BRINP3: variants seen among roughly 807,000 people sequenced by gnomAD.
BRINP3 encodes BMP/retinoic acid inducible neural specific 3.
A neutral mutation model predicts 71.0 loss-of-function variants in BRINP3; 19 were observed. That is an observed-to-expected ratio of 0.27 (90% CI 0.19 to 0.39). The LOEUF (loss-of-function observed/expected upper bound fraction) is 0.39. Among genes scored for constraint, BRINP3 ranks in the 10% least tolerant of loss-of-function variants. The pLI, the probability that BRINP3 is intolerant of heterozygous loss-of-function variation, is 1.00. For missense variants in BRINP3, 959 were observed against 940.8 expected, an observed-to-expected ratio of 1.02 and a Z score of -0.25; for synonymous variants, 380 against 337.7, an observed-to-expected ratio of 1.13 and a Z score of -1.37.
Position 190,454,861 on chromosome 1 carries a change from T to C in BRINP3, c.30A>G (p.Glu10=), listed in dbSNP as rs780914361. 1.2e-6 allele frequency: 2 copies of C among 1,614,148 alleles called. No homozygotes were observed. The highest frequency in any genetic ancestry group is 3.3e-5 in the Admixed American group (2 of 60,016). The change falls in exon 2 of 8, where the codon GAA becomes GAG. Residue 10 remains glutamate (E), a synonymous_variant. Coordinates refer to ENST00000367462, the MANE Select transcript of BRINP3 (RefSeq NM_199051.3). MIWRSRAGA[E]LFSLMALWEW... Reference sequence around the variant, plus strand: ...CCCATAGAGCCATCAGAGAGAACAATTCAGCACCAGCTCTGCTTCGCCATA... The same window carrying C: ...CCCATAGAGCCATCAGAGAGAACAACTCAGCACCAGCTCTGCTTCGCCATA...
intron 7 of BRINP3, among the ~76,000 whole-genome samples, chr1:190,126,431 T>C (rs1654093149): frequency 1.3e-5 from 2 of 151,950 alleles, no homozygotes; most frequent in African/African-American, 2.4e-5. Context: ...TCCTCTGTGC[T>C]GTTCTGGATA....
intron 6 of BRINP3, among the ~76,000 whole-genome samples, chr1:190,206,112 A>G (rs1655476352): frequency 6.6e-6 from 1 of 152,048 alleles, no homozygotes; most frequent in South Asian, 2.1e-4. Flanking sequence ...TTGCCAGTAC[A>G]CCGTTGCCAA....
intron 4 of BRINP3, among the ~76,000 whole-genome samples, chr1:190,254,161 T>C (rs1364559654): frequency 6.6e-6 from 1 of 152,206 alleles, no homozygotes; most frequent in African/African-American, 2.4e-5. Context: ...GCTGTTTTGG[T>C]TACTGTAGAC....
intron 2 of BRINP3, among the ~76,000 whole-genome samples, chr1:190,336,839 C>CTTCT (rs1667317603): frequency 7.1e-6 from 1 of 140,256 alleles, no homozygotes; most frequent in South Asian, 2.4e-4. Flanking sequence ...TCCCTCCCTC[C>CTTCT]TTCCTTCCTT....
intron 1 of BRINP3, among the ~76,000 whole-genome samples, chr1:190,470,519 G>C (rs1459461789): frequency 1.3e-5 from 2 of 150,888 alleles, no homozygotes; most frequent in Non-Finnish European, 3.0e-5. Context: ...GTTAATTAGG[G>C]TTTAGGCATT....
intron 7 of BRINP3, among the ~76,000 whole-genome samples, chr1:190,131,421 T>A (rs899918438): frequency 2.0e-5 from 3 of 152,028 alleles, no homozygotes; most frequent in African/African-American, 7.2e-5. Context: ...CCTAACATGG[T>A]ACATAATATC....
intron 2 of BRINP3, among the ~76,000 whole-genome samples, chr1:190,315,655 T>C (rs2103036290): frequency 6.6e-6 from 1 of 152,258 alleles, no homozygotes; most frequent in East Asian, 1.9e-4. Context: ...AGTTCATTCA[T>C]TGATAGATGT....
chr1:190,282,111 G>C (rs1350891388), intron 2 of BRINP3, among the ~76,000 whole-genome samples: 1 of 151,584 alleles, frequency 6.6e-6, no homozygotes, highest in African/African-American at 2.4e-5. Context: ...AGGTATATTG[G>C]AAAAAAAGAA....
chr1:190,242,531 T>C (rs1659204833), intron 4 of BRINP3, among the ~76,000 whole-genome samples: 1 of 152,128 alleles, frequency 6.6e-6, no homozygotes, highest in Admixed American at 6.6e-5. Flanking sequence ...ATACCACTGT[T>C]GAATTATGCA....
intron 2 of BRINP3, among the ~76,000 whole-genome samples, chr1:190,436,535 CTCTTA>C (rs1384418278): frequency 6.6e-6 from 1 of 151,766 alleles, no homozygotes; most frequent in African/African-American, 2.4e-5. Context: ...AAATTTGCAT[CTCTTA>C]TAATTTTTGA....
intron 6 of BRINP3, among the ~76,000 whole-genome samples, chr1:190,213,150 C>T (rs1656128572): frequency 6.6e-6 from 1 of 151,990 alleles, no homozygotes; most frequent in East Asian, 1.9e-4. Context: ...ATACTGTATA[C>T]CCAACACACT....
At chr1:190,393,776 G>A (rs900631669) in intron 2 of BRINP3, among the ~76,000 whole-genome samples, 2 of 151,472 alleles carry the variant, frequency 1.3e-5, no homozygotes, top group Non-Finnish European at 3.0e-5. Flanking sequence ...TCTCAAAATG[G>A]TTGCTAAAAT....
chr1:190,200,093 C>T (rs558790748), intron 6 of BRINP3, among the ~76,000 whole-genome samples: 1 of 152,172 alleles, frequency 6.6e-6, no homozygotes, highest in East Asian at 1.9e-4. Flanking sequence ...CATCGATACA[C>T]CAAGCTTTGT....
intron 1 of BRINP3, among the ~76,000 whole-genome samples, chr1:190,471,762 C>T (rs1426160556): frequency 6.6e-6 from 1 of 151,288 alleles, no homozygotes; most frequent in Non-Finnish European, 1.5e-5. Context: ...AATCAGATGT[C>T]CTTTCTATTA....
chr1:190,230,647 G>T (rs1657884088), intron 5 of BRINP3, among the ~76,000 whole-genome samples: 4 of 151,780 alleles, frequency 2.6e-5, no homozygotes, highest in Non-Finnish European at 3.0e-5. Context: ...TATAAAAAAA[G>T]TATATATGTA....
intron 2 of BRINP3, among the ~76,000 whole-genome samples, chr1:190,406,986 G>C (rs1230362290): frequency 1.3e-5 from 2 of 152,064 alleles, no homozygotes; most frequent in Non-Finnish European, 2.9e-5. Context: ...ATATTAAGTG[G>C]ATGTATGTCA....
chr1:190,254,829 G>C (rs1039006438), intron 4 of BRINP3, among the ~76,000 whole-genome samples: 1 of 152,168 alleles, frequency 6.6e-6, no homozygotes, highest in Non-Finnish European at 1.5e-5. Context: ...AGCAGTGAGA[G>C]AGGGCATCTC....
chr1:190,157,213 A>G (rs1027589719), intron 7 of BRINP3, among the ~76,000 whole-genome samples: 31 of 152,136 alleles, frequency 2.0e-4, no homozygotes, highest in African/African-American at 6.7e-4. Flanking sequence ...CTCCTTATGC[A>G]TGGGTTTCGC....
intron 7 of BRINP3, among the ~76,000 whole-genome samples, chr1:190,159,604 T>C (rs2102454407): frequency 6.6e-6 from 1 of 152,170 alleles, no homozygotes; most frequent in Middle Eastern, 3.4e-3. Flanking sequence ...CGATCCCATT[T>C]ACAGAAAATG....
Sources: gnomAD v4.1 joint callset for allele counts (sites outside exome capture counted in the v4.1 genomes callset) on GRCh38, gnomAD v4.1.1 for gene constraint, MANE v1.5 for transcripts, NCBI Gene and HGNC (gene_info 2026-07-23, HGNC 2026-07-21) for gene names.